The following GATA1 variants were observed in gnomAD, a reference collection of about 807,000 sequenced individuals.
GATA1 encodes the protein GATA binding protein 1.
Under a neutral mutation model 18.9 loss-of-function variants are expected in GATA1, and 2 were observed. The ratio of observed to expected loss-of-function variants is 0.11; its 90% CI spans 0.04 to 0.33. The LOEUF (loss-of-function observed/expected upper bound fraction) is 0.33. Among genes scored for constraint, GATA1 ranks in the 10% least tolerant of loss-of-function variants. The pLI, the probability that GATA1 is intolerant of heterozygous loss-of-function variation, is 1.00. For synonymous variants in GATA1, 152 were observed against 149.1 expected (o/e 1.02, Z -0.14); for missense variants, 272 against 344.7 (o/e 0.79, Z 1.67).
chrX:48,789,417 A>T, intron 1 of GATA1, among the ~76,000 whole-genome samples: 1 of 111,794 alleles, frequency 8.9e-6, no homozygotes, highest in Non-Finnish European at 1.9e-5. Context: ...GGGAACAGAG[A>T]GTCAGGGGAA....
At chrX:48,787,937 G>A (rs1350916913) in intron 1 of GATA1, among the ~76,000 whole-genome samples, 1 of 111,733 alleles carries the variant, frequency 8.9e-6, no homozygotes, top group Admixed American at 9.5e-5. Flanking sequence ...TGCTGCCGCC[G>A]TTGGGGCAAC....
chrX:48,789,949 T>G (rs1557019738), intron 1 of GATA1, among the ~76,000 whole-genome samples: 1 of 108,628 alleles, frequency 9.2e-6, no homozygotes, highest in Non-Finnish European at 1.9e-5. Context: ...ACTCTGGTCC[T>G]GCATGCCATC....
In GATA1 at chrX:48,793,215, C is replaced by T. The variant is rs1557020433; in HGVS notation, c.788C>T (p.Thr263Met). The change falls in exon 5 of 6, where the codon ACG becomes ATG. Residue 263 changes from threonine to methionine, a missense_variant. Thr to Met is a moderately conservative substitution (Grantham distance 81, BLOSUM62 -1). Transcript: ENST00000376670. ...GGTACTCAGTGCACCAACTGCCAGA[C>T]GACCACCACGACACTGTGGCGGAGA... Reference protein sequence around the residue: ...RAGTQCTNCQTTTTTLWRRNA... With the variant: ...RAGTQCTNCQMTTTTLWRRNA... The T allele has an allele frequency of 8.3e-7, 1 of 1,209,034 alleles. No homozygotes were observed.
At chrX:48,792,271 A>G (rs782371904) in intron 3 of GATA1, 50 bp downstream of exon 3, 1 of 1,211,956 alleles carries the variant, frequency 8.3e-7, no homozygotes, top group Non-Finnish European at 1.1e-6. Context: ...GGGGTGGCCC[A>G]AAGTAAAGCT....
chrX:48,793,044 A>C, intron 4 of GATA1, 128 bp from the exon 5 acceptor site: 1 of 682,660 alleles, frequency 1.5e-6, no homozygotes, highest in Non-Finnish European at 2.3e-6. Context: ...CTCAGGCATC[A>C]CCCTGTAAAC....
chrX:48,787,693 G>A lies in GATA1; in HGVS notation c.-20+1048G>A, dbSNP rs144282688. On this transcript the variant is annotated intron_variant, in intron 1 of 5. Transcript: ENST00000376670. ...AAGCTCGTCTCTGCTCCACAACCCCGCCCATATCTGCCTCCCCACAAACTC... is the reference window on the plus strand; with the variant it reads ...AAGCTCGTCTCTGCTCCACAACCCCACCCATATCTGCCTCCCCACAAACTC... 6.0e-3 allele frequency among the ~76,000 whole-genome samples: 661 copies of A among 110,607 alleles called. 3 individuals carry two copies. The highest frequency in any genetic ancestry group is 0.02 in the African/African-American group (607 of 30,359).
chrX:48,788,904 A>G (rs908207269), intron 1 of GATA1, among the ~76,000 whole-genome samples: 7 of 111,533 alleles, frequency 6.3e-5, no homozygotes, highest in Non-Finnish European at 1.1e-4. Flanking sequence ...AGAGATGTTC[A>G]GAGAGATAGG....
chrX:48,790,109 G>A (rs1277369614), intron 1 of GATA1, among the ~76,000 whole-genome samples: 1 of 109,324 alleles, frequency 9.1e-6, no homozygotes, highest in Non-Finnish European at 1.9e-5. Flanking sequence ...AGAAATTGGA[G>A]GGGAGGAGAA....
rs1060501251 is a variant in GATA1 at position 48,793,814 on chromosome X, C to A, written c.892C>A (p.Arg298=). Residue 298 remains arginine, a synonymous_variant, in exon 6 of 6, where the codon CGG becomes AGG. Transcript: ENST00000376670. ...LHQVNRPLTM[R]KDGIQTRNRK... ...GCAGGTGAACCGGCCACTGACCATG[C>A]GGAAGGATGGTATTCAGACTCGAAA... 3.3e-6 allele frequency: 4 copies of A among 1,210,676 alleles called. No homozygotes were observed. The highest frequency in any genetic ancestry group is 2.2e-5 in the Admixed American group (1 of 45,998).
In GATA1 at chrX:48,792,327, C is replaced by G. The variant is rs782124121; in HGVS notation, c.603C>G (p.Ala201=). The change falls in exon 4 of 6, where the codon GCC becomes GCG. Residue 201 remains alanine (A), a synonymous_variant. Transcript: ENST00000376670. Reference sequence around the variant, plus strand: ...TTCTCCTCTCCACCCCACCAGAGGCCAGGGAGTGTGTGAACTGCGGAGCAA... The same window carrying G: ...TTCTCCTCTCCACCCCACCAGAGGCGAGGGAGTGTGTGAACTGCGGAGCAA... ...RGTLPLPPCE[A]RECVNCGATA... The G allele has an allele frequency of 8.3e-7, 1 of 1,211,913 alleles. No individual in the cohort carries two copies. The highest frequency in any genetic ancestry group is 1.1e-6 in the Non-Finnish European group (1 of 895,513).
At position 48,793,157 on chromosome X, in the gene GATA1, C is replaced by A; in HGVS notation, c.745-15C>A. 1 of 1,209,675 alleles carries A rather than the reference C, an allele frequency of 8.3e-7. No individual in the cohort carries two copies. The highest frequency in any genetic ancestry group is 1.8e-5 in the South Asian group (1 of 56,826). ...CATCCCCAGGGCACTGATCTCACAT[C>A]CTGTCGTCCCCTAGATTGTCAGTAA... is the stretch of plus-strand genomic sequence containing the variant. On this transcript the variant is annotated splice_polypyrimidine_tract_variant and intron_variant, in intron 4 of 5. Coordinates refer to ENST00000376670, the MANE Select transcript of GATA1 (RefSeq NM_002049.4).
chrX:48,790,712 A>T (rs2147305237), intron 1 of GATA1, among the ~76,000 whole-genome samples: 1 of 97,005 alleles, frequency 1.0e-5, no homozygotes, highest in East Asian at 3.7e-4. Context: ...CAGGAGGAAA[A>T]GGGAAGGGGG....
chrX:48,791,961 G>A lies in GATA1; in HGVS notation c.338G>A (p.Arg113His), dbSNP rs782208453. The change falls in exon 3 of 6, where the codon CGC becomes CAC. Residue 113 changes from arginine (R) to histidine (H), a missense_variant. By Grantham distance (29) the Arg-to-His change is conservative. This residue lies in a region of GATA1 where 147 missense variants were observed against 157.4 expected (regional missense o/e 0.93). Coordinates refer to ENST00000376670, the MANE Select transcript of GATA1 (RefSeq NM_002049.4). ...LYPASTVCPT[R>H]EDSPPQAVED... ...CCTGCCTCAACTGTGTGTCCCACCC[G>A]CGAGGACTCTCCTCCCCAGGCCGTG... 22 of 1,209,913 alleles carry A rather than the reference G, an allele frequency of 1.8e-5. No homozygotes were observed. Among genetic ancestry groups the A allele is most frequent in the Admixed American group, 8.7e-5 (4 of 45,810 alleles).
chrX:48,792,476 C>G lies in GATA1; in HGVS notation c.744+8C>G. 1 of 1,211,361 alleles carries G rather than the reference C, an allele frequency of 8.3e-7. No homozygotes were observed. Among genetic ancestry groups the G allele is most frequent in the Non-Finnish European group, 1.1e-6 (1 of 895,260 alleles). The stretch of plus-strand genomic sequence containing the variant: ...CGGCCCAAGAAGCGCCTGGTAAGAC[C>G]ACAGACCTGCTTCACCTTATACACA... On this transcript the variant is annotated splice_region_variant and intron_variant, in intron 4 of 5. Transcript: ENST00000376670.
At chrX:48,788,010 ATC>A (rs1471810682) in intron 1 of GATA1, among the ~76,000 whole-genome samples, 2 of 110,486 alleles carry the variant, frequency 1.8e-5, no homozygotes, top group Non-Finnish European at 3.8e-5. Flanking sequence ...GATAAACTTT[ATC>A]TCTGTCCGGA....
chrX:48,790,708 G>A (rs782037276), intron 1 of GATA1, among the ~76,000 whole-genome samples: 1 of 98,477 alleles, frequency 1.0e-5, no homozygotes, highest in South Asian at 6.0e-4. Context: ...AAGACAGGAG[G>A]AAAAGGGAAG....
chrX:48,793,878 C>T lies in GATA1; in HGVS notation c.956C>T (p.Ser319Phe). 8.3e-7 allele frequency: 1 copy of T among 1,207,801 alleles called. No individual in the cohort carries two copies. Among genetic ancestry groups the T allele is most frequent in the African/African-American group, 1.7e-5 (1 of 57,871 alleles). ...GGAAAAGGGAAAAAGAAACGGGGCT[C>T]CAGTCTGGGAGGCACAGGAGCAGCC... is the stretch of plus-strand genomic sequence containing the variant. ...ASGKGKKKRG[S>F]SLGGTGAAEG... Residue 319 changes from serine (S) to phenylalanine (F), a missense_variant, in exon 6 of 6, where the codon TCC (serine) becomes TTC (phenylalanine). Ser to Phe is a radical substitution (Grantham distance 155). Transcript: ENST00000376670.
intron 1 of GATA1, among the ~76,000 whole-genome samples, chrX:48,787,115 G>A (rs1429301630): frequency 9.1e-6 from 1 of 109,684 alleles, no homozygotes; most frequent in African/African-American, 3.3e-5. Flanking sequence ...CACTCTCTCT[G>A]AGCCCCCAAA....
At position 48,792,447 on chromosome X, in the gene GATA1, C is replaced by T; in HGVS notation, c.723C>T (p.Leu241=). Residue 241 remains leucine (L), a synonymous_variant, in exon 4 of 6, where the codon CTC becomes CTT. Transcript: ENST00000376670. ...AGATGAATGGGCAGAACAGGCCCCT[C>T]ATCCGGCCCAAGAAGCGCCTGGTAA... is the stretch of plus-strand genomic sequence containing the variant. ...YHKMNGQNRP[L]IRPKKRLIVS... 8.3e-7 allele frequency: 1 copy of T among 1,211,930 alleles called. No individual in the cohort carries two copies. The highest frequency in any genetic ancestry group is 1.1e-6 in the Non-Finnish European group (1 of 895,523).
Sources: gnomAD v4.1 joint callset for allele counts (sites outside exome capture counted in the v4.1 genomes callset) on GRCh38, gnomAD v4.1.1 for gene constraint, gnomAD v4.1.1 regional missense constraint, MANE v1.5 for transcripts, NCBI Gene and HGNC (gene_info 2026-07-23, HGNC 2026-07-21) for gene names.